CCDC93: variants seen among roughly 807,000 people sequenced by gnomAD.
CCDC93 encodes CCC complex scaffolding subunit CCDC93, also known as coiled-coil domain-containing protein 93.
In CCDC93, 61 loss-of-function variants were observed where a neutral mutation model predicts 108.2. The ratio of observed to expected loss-of-function variants is 0.56; its 90% CI spans 0.46 to 0.70. The LOEUF (loss-of-function observed/expected upper bound fraction) is 0.70. Among genes scored for constraint, CCDC93 ranks in the 30% least tolerant of loss-of-function variants. The probability of loss-of-function intolerance (pLI) is 0.00; values close to 1 mark genes in which losing one functional copy is unlikely to be tolerated. For missense variants in CCDC93, 685 were observed against 764.2 expected (o/e 0.90, Z 1.22); for synonymous variants, 276 against 260.4 (o/e 1.06, Z -0.58).
Position 117,986,052 on chromosome 2 carries a change from A to G in CCDC93, c.537T>C (p.Arg179=). ...VVDLSEVYKP[R]RKYKRHQGAE... is the part of the protein sequence containing the mutation. The stretch of plus-strand genomic sequence containing the variant: ...CTCCCTGGTGGCGTTTGTATTTCCG[A>G]CGGGGCTTGTACACTTCCTAAGTGG... The change falls in exon 7 of 24, where the codon CGT becomes CGC. Residue 179 remains arginine (R), a synonymous_variant. Coordinates refer to ENST00000376300, the MANE Select transcript of CCDC93 (RefSeq NM_019044.5). The G allele has an allele frequency of 6.2e-7, 1 of 1,610,722 alleles. No homozygotes were observed. The highest frequency in any genetic ancestry group is 8.5e-7 in the Non-Finnish European group (1 of 1,177,748).
intron 3 of CCDC93, among the ~76,000 whole-genome samples, chr2:118,002,856 GTA>G (rs1676746285): frequency 6.6e-6 from 1 of 152,166 alleles, no homozygotes; most frequent in African/African-American, 2.4e-5. Context: ...GGGCAACATA[GTA>G]AGACCTTGTC....
intron 6 of CCDC93, among the ~76,000 whole-genome samples, chr2:117,986,924 TG>T (rs1381363340): frequency 6.6e-6 from 1 of 152,080 alleles, no homozygotes; most frequent in Non-Finnish European, 1.5e-5. Flanking sequence ...TTACTGTGCC[TG>T]GTTTAGCTTC....
At chr2:118,006,461 C>T (rs1354362298) in intron 3 of CCDC93, among the ~76,000 whole-genome samples, 1 of 152,222 alleles carries the variant, frequency 6.6e-6, no homozygotes, top group Non-Finnish European at 1.5e-5. Flanking sequence ...AGGAAAGCAT[C>T]TCCTTTCCTC....
chr2:117,965,348 T>C (rs1408135496), intron 11 of CCDC93, among the ~76,000 whole-genome samples: 1 of 152,122 alleles, frequency 6.6e-6, no homozygotes, highest in Admixed American at 6.5e-5. Context: ...TTATTAGAAA[T>C]CACACAGGTG....
chr2:117,973,365 T>C (rs1359256029), intron 11 of CCDC93, among the ~76,000 whole-genome samples: 1 of 149,670 alleles, frequency 6.7e-6, no homozygotes, highest in East Asian at 2.0e-4. Flanking sequence ...AAATGATTAA[T>C]CACCGTCTCC....
intron 7 of CCDC93, among the ~76,000 whole-genome samples, chr2:117,978,373 C>CA (rs1426071968): frequency 6.6e-6 from 1 of 152,154 alleles, no homozygotes; most frequent in Middle Eastern, 3.2e-3. Context: ...TCTATATAAA[C>CA]AAATGTAAAT....
At chr2:117,991,872 T>C (rs1680484745) in intron 6 of CCDC93, among the ~76,000 whole-genome samples, 1 of 152,258 alleles carries the variant, frequency 6.6e-6, no homozygotes, top group East Asian at 1.9e-4. Context: ...AGCTGTTTAA[T>C]TTTTTGTACT....
intron 20 of CCDC93, among the ~76,000 whole-genome samples, chr2:117,938,200 G>T (rs1438272830): frequency 6.6e-6 from 1 of 152,084 alleles, no homozygotes; most frequent in Non-Finnish European, 1.5e-5. Flanking sequence ...CATTTTACAG[G>T]TGAGAAAAAA....
At chr2:117,940,738 T>A (rs993272580) in intron 19 of CCDC93, among the ~76,000 whole-genome samples, 1 of 152,160 alleles carries the variant, frequency 6.6e-6, no homozygotes, top group African/African-American at 2.4e-5. Flanking sequence ...TGAGACATGA[T>A]CTCTTATTCA....
intron 12 of CCDC93, among the ~76,000 whole-genome samples, chr2:117,953,667 G>A (rs532133151): frequency 6.6e-6 from 1 of 150,580 alleles, no homozygotes; most frequent in East Asian, 2.0e-4. Flanking sequence ...CCTTGTGAAT[G>A]AGATGAGTGC....
intron 12 of CCDC93, among the ~76,000 whole-genome samples, chr2:117,955,355 G>T (rs1484850714): frequency 6.6e-6 from 1 of 152,074 alleles, no homozygotes; most frequent in Non-Finnish European, 1.5e-5. Flanking sequence ...GTATGACCTT[G>T]TAAAAGAGGC....
At chr2:117,921,500 A>T (rs1305260499) in intron 23 of CCDC93, among the ~76,000 whole-genome samples, 1 of 152,138 alleles carries the variant, frequency 6.6e-6, no homozygotes, top group Non-Finnish European at 1.5e-5. Flanking sequence ...ATTGGGAGAT[A>T]AAAGTGGTAG....
chr2:118,000,790 A>G, intron 4 of CCDC93, 31 bp downstream of exon 4: 6 of 1,416,680 alleles, frequency 4.2e-6, no homozygotes, highest in Non-Finnish European at 6.0e-6. Context: ...TCTGATGTTA[A>G]GAGGACAAGA....
intron 11 of CCDC93, among the ~76,000 whole-genome samples, chr2:117,970,105 AAAAC>A (rs1679715337): frequency 1.3e-5 from 2 of 152,240 alleles, no homozygotes; most frequent in African/African-American, 4.8e-5. Flanking sequence ...TGACAAAACA[AAAAC>A]AAATCAAGCA....
rs533248621 is a variant in CCDC93, at chr2:118,010,359, A to G, written c.43-1701T>C. Among the ~76,000 whole-genome samples the G allele has an allele frequency of 4.6e-5, 7 of 152,172 alleles. No homozygotes were observed. In the East Asian group the frequency reaches 1.4e-3, roughly 29 times the overall value. On this transcript the variant is annotated intron_variant, in intron 1 of 23. Transcript: ENST00000376300. ...TAAATATTCTAATACTCTTTCATCT[A>G]TTTACTATCATGAACTACCTTTCCT...
rs763542601 is a variant in CCDC93 at position 117,948,076 on chromosome 2, T to A, written c.1224+29A>T. The A allele has an allele frequency of 2.6e-6, 4 of 1,553,118 alleles. No individual in the cohort carries two copies. The East Asian group carries it at 9.0e-5, about 35-fold the overall frequency. Reference sequence around the variant, plus strand: ...CCAAGAGATTCAATAAGCGTCCTGGTTTATTTGCTGACACCAAACAACACT... The same window carrying A: ...CCAAGAGATTCAATAAGCGTCCTGGATTATTTGCTGACACCAAACAACACT... On this transcript the variant is annotated intron_variant, in intron 15 of 23. Transcript: ENST00000376300.
intron 19 of CCDC93, among the ~76,000 whole-genome samples, chr2:117,939,555 T>C (rs943947768): frequency 6.6e-6 from 1 of 152,208 alleles, no homozygotes; most frequent in East Asian, 1.9e-4. Context: ...GGTATTATTA[T>C]TGCTAAAAGC....
chr2:118,013,900 T>A (rs1363323932), intron 1 of CCDC93, 54 bp downstream of exon 1: 16 of 1,466,710 alleles, frequency 1.1e-5, no homozygotes, highest in Admixed American at 2.3e-5. Flanking sequence ...GCCCCGCGGC[T>A]CGGCCCTCTC....
At position 117,946,859 on chromosome 2, in the gene CCDC93, T is replaced by C. The variant is rs1412434906; in HGVS notation, c.1248A>G (p.Gln416=). 1 of 1,613,790 alleles carries C rather than the reference T, an allele frequency of 6.2e-7. No individual in the cohort carries two copies. Among genetic ancestry groups the C allele is most frequent in the Non-Finnish European group, 8.5e-7 (1 of 1,179,646 alleles). The change falls in exon 16 of 24, where the codon CAA becomes CAG. Residue 416 remains glutamine, a synonymous_variant. Coordinates refer to ENST00000376300, the MANE Select transcript of CCDC93 (RefSeq NM_019044.5). ...TCTCAGCTTTCAGGTTTTCAATTTC[T>C]TGCTGTAGTCGTGTCATCTCCTCCT... The part of the protein sequence containing the change: ...HCREEMTRLQ[Q]EIENLKAERA...
Sources: allele counts gnomAD v4.1 joint callset (sites outside exome capture counted in the v4.1 genomes callset), GRCh38; gene constraint gnomAD v4.1.1; transcripts MANE v1.5; gene names NCBI Gene and HGNC (gene_info 2026-07-23, HGNC 2026-07-21).